IGSF21: variants seen among roughly 807,000 people sequenced by gnomAD.
The protein encoded by IGSF21 is immunoglobulin superfamily member 21.
Under a neutral mutation model 46.8 loss-of-function variants are expected in IGSF21, and 28 were observed. That is an observed-to-expected ratio of 0.60 (90% CI 0.44 to 0.82). The LOEUF is 0.82. Among genes scored for constraint, IGSF21 ranks in the 40% least tolerant of loss-of-function variants. IGSF21 has a pLI of 0.00. For missense variants in IGSF21, 624 were observed against 665.5 expected, an observed-to-expected ratio of 0.94 and a Z score of 0.69; for synonymous variants, 284 against 273.6, an observed-to-expected ratio of 1.04 and a Z score of -0.38.
intron 4 of IGSF21, among the ~76,000 whole-genome samples, chr1:18,353,264 G>A (rs1056738123): frequency 1.6e-4 from 25 of 151,800 alleles, no homozygotes; most frequent in Non-Finnish European, 3.1e-4. Context: ...CCTTCCACTG[G>A]TGGGATCTGT....
chr1:18,330,939 G>T (rs529191596), intron 3 of IGSF21, among the ~76,000 whole-genome samples: 1 of 152,050 alleles, frequency 6.6e-6, no homozygotes, highest in Non-Finnish European at 1.5e-5. Context: ...TGGATACATC[G>T]TTACCACCCG....
chr1:18,233,230 C>T (rs983638724), intron 2 of IGSF21, among the ~76,000 whole-genome samples: 60 of 152,232 alleles, frequency 3.9e-4, no homozygotes, highest in African/African-American at 1.4e-3. Flanking sequence ...AACATCCCTG[C>T]TTTCAGTACC....
chr1:18,240,872 G>A (rs564485179), intron 2 of IGSF21, among the ~76,000 whole-genome samples: 8 of 152,184 alleles, frequency 5.3e-5, no homozygotes, highest in Non-Finnish European at 1.2e-4. Context: ...CTGGAATTCT[G>A]TGCTGCCTCA....
At position 18,125,523 on chromosome 1, in the gene IGSF21, C is replaced by G. The variant is rs1570246745; in HGVS notation, c.70+17325C>G. ...AGAACTCTGAATGAACTGATTAAAG[C>G]TGGCAGAGCCATACCTGCTCAGGGA... On this transcript the variant is annotated intron_variant, in intron 1 of 9. Coordinates refer to ENST00000251296, the MANE Select transcript of IGSF21 (RefSeq NM_032880.5). 2.0e-5 allele frequency among the ~76,000 whole-genome samples: 3 copies of G among 152,252 alleles called. No homozygotes were observed. In the South Asian group the frequency reaches 6.2e-4, roughly 32 times the overall value.
chr1:18,369,714 G>T (rs938979103), intron 6 of IGSF21, among the ~76,000 whole-genome samples: 1 of 152,196 alleles, frequency 6.6e-6, no homozygotes, highest in Non-Finnish European at 1.5e-5. Context: ...AGGCCAACGA[G>T]GGTGGGATGT....
chr1:18,177,716 C>G (rs1258164500), intron 1 of IGSF21, among the ~76,000 whole-genome samples: 1 of 152,104 alleles, frequency 6.6e-6, no homozygotes, highest in Non-Finnish European at 1.5e-5. Context: ...CCATTTAGAG[C>G]AACGACCCTG....
intron 2 of IGSF21, among the ~76,000 whole-genome samples, chr1:18,284,659 G>C (rs1267895255): frequency 2.0e-5 from 3 of 152,194 alleles, no homozygotes; most frequent in African/African-American, 7.2e-5. Context: ...CAGAGCCAGG[G>C]AGTGAAGCAC....
rs1008193965 is a variant in IGSF21 at position 18,335,970 on chromosome 1, A to G, written c.424+960A>G. Among the ~76,000 whole-genome samples the G allele has an allele frequency of 2.6e-5, 4 of 152,140 alleles. No homozygotes were observed. The highest frequency in any genetic ancestry group is 5.9e-5 in the Non-Finnish European group (4 of 68,018). On this transcript the variant is annotated intron_variant, in intron 4 of 9. Coordinates refer to ENST00000251296, the MANE Select transcript of IGSF21 (RefSeq NM_032880.5). The surrounding 1 kb of genome is among the most constrained non-coding windows in gnomAD (Gnocchi z 4.8). ...CATGCACCACTCAGCTCCTCTGATA[A>G]AGGAACTAGCAGCGTTTGGGTGCCT...
At chr1:18,254,182 C>T (rs1206402521) in intron 2 of IGSF21, among the ~76,000 whole-genome samples, 1 of 152,146 alleles carries the variant, frequency 6.6e-6, no homozygotes, top group Non-Finnish European at 1.5e-5. Flanking sequence ...AGCAGATGAT[C>T]CCAGTGCTTC....
intron 2 of IGSF21, among the ~76,000 whole-genome samples, chr1:18,229,985 G>T (rs1397127985): frequency 1.3e-5 from 2 of 152,250 alleles, no homozygotes; most frequent in African/African-American, 4.8e-5. Context: ...ATGGAAGGAA[G>T]TTTGGAGATG....
intron 2 of IGSF21, among the ~76,000 whole-genome samples, chr1:18,229,593 C>A (rs1306410665): frequency 6.6e-6 from 1 of 152,186 alleles, no homozygotes; most frequent in Admixed American, 6.5e-5. Flanking sequence ...AATTCTAGTG[C>A]CCTCCACCCA....
At chr1:18,271,126 T>C (rs1454893946) in intron 2 of IGSF21, among the ~76,000 whole-genome samples, 1 of 152,120 alleles carries the variant, frequency 6.6e-6, no homozygotes, top group Non-Finnish European at 1.5e-5. Context: ...GAGGATTGGT[T>C]TTCATGGTTC....
At chr1:18,117,665 T>C (rs1478326381) in intron 1 of IGSF21, among the ~76,000 whole-genome samples, 1 of 152,142 alleles carries the variant, frequency 6.6e-6, no homozygotes, top group African/African-American at 2.4e-5. Flanking sequence ...CTCCCCACCA[T>C]GTGGTAGGAG....
intron 1 of IGSF21, among the ~76,000 whole-genome samples, chr1:18,201,234 A>C (rs553021713): frequency 6.6e-6 from 1 of 152,176 alleles, no homozygotes; most frequent in African/African-American, 2.4e-5. Flanking sequence ...GTGCTCAGGG[A>C]AGGATGGAGC....
At chr1:18,120,452 G>T (rs948749680) in intron 1 of IGSF21, among the ~76,000 whole-genome samples, 1 of 152,188 alleles carries the variant, frequency 6.6e-6, no homozygotes, top group African/African-American at 2.4e-5. Flanking sequence ...CCTCCAAAGT[G>T]CAGAGCTGGT....
At chr1:18,260,697 T>C (rs2084938954) in intron 2 of IGSF21, among the ~76,000 whole-genome samples, 1 of 152,182 alleles carries the variant, frequency 6.6e-6, no homozygotes. Context: ...TAAACTGACA[T>C]GGTGCACTGG....
chr1:18,206,606 G>T (rs1570336291), intron 1 of IGSF21, among the ~76,000 whole-genome samples: 1 of 152,178 alleles, frequency 6.6e-6, no homozygotes, highest in East Asian at 1.9e-4. Context: ...CAAAGACCTT[G>T]GTGTGGGAAT....
At chr1:18,242,249 G>A (rs1266428538) in intron 2 of IGSF21, among the ~76,000 whole-genome samples, 1 of 152,154 alleles carries the variant, frequency 6.6e-6, no homozygotes, top group Non-Finnish European at 1.5e-5. Flanking sequence ...AGAGCAGACA[G>A]GTGTAAGGAA....
intron 1 of IGSF21, among the ~76,000 whole-genome samples, chr1:18,208,983 G>A (rs1390870394): frequency 6.6e-6 from 1 of 152,164 alleles, no homozygotes; most frequent in Non-Finnish European, 1.5e-5. Flanking sequence ...TCTATATGGA[G>A]AAGCCAGCAT....
Sources: gnomAD v4.1 joint callset for allele counts (sites outside exome capture counted in the v4.1 genomes callset) on GRCh38, gnomAD v4.1.1 for gene constraint, Gnocchi (gnomAD v3.1) non-coding constraint, MANE v1.5 for transcripts, NCBI Gene and HGNC (gene_info 2026-07-23, HGNC 2026-07-21) for gene names.